VCPIP1: variants seen among roughly 807,000 people sequenced by gnomAD.
The protein encoded by VCPIP1 is deubiquitinating protein VCPIP1.
Under a neutral mutation model 85.0 loss-of-function variants are expected in VCPIP1, and 8 were observed. That is an observed-to-expected ratio of 0.09 (90% CI 0.06 to 0.17). The LOEUF (loss-of-function observed/expected upper bound fraction) is 0.17, where lower values mean the gene tolerates loss of function less well. VCPIP1 is among the 10% of genes least tolerant of loss of function. The pLI is 1.00. For synonymous variants in VCPIP1, 543 were observed against 544.5 expected, an observed-to-expected ratio of 1.00 and a Z score of 0.04; for missense variants, 1,070 against 1,486.3, an observed-to-expected ratio of 0.72 and a Z score of 4.61.
intron 2 of VCPIP1, among the ~76,000 whole-genome samples, chr8:66,639,522 T>C (rs2130150853): frequency 6.6e-6 from 1 of 151,450 alleles, no homozygotes. Flanking sequence ...ACACAACAAA[T>C]TTTTGCATTT....
Position 66,630,469 on chromosome 8 carries a change from T to C in VCPIP1, c.*4032A>G, listed in dbSNP as rs1810823231. ...TTGCATTGCTCTACCACAGGCATAA[T>C]AAGGGCTCAGGACGAGATTTCTGCA... On this transcript the variant is annotated 3_prime_UTR_variant, in exon 3 of 3. Transcript: ENST00000310421. The C allele has an allele frequency of 6.6e-6, 1 of 152,616 alleles. No homozygotes were observed. The highest frequency in any genetic ancestry group is 1.5e-5 in the Non-Finnish European group (1 of 68,028). 9.5% of individuals were successfully genotyped at this position (152,616 alleles called of 1,614,324 possible). A position where few individuals can be genotyped will look rare whatever the true frequency, so the allele number is the denominator to read the frequency against.
chr8:66,657,536 T>C lies in VCPIP1; in HGVS notation c.2711-5992A>G, dbSNP rs1811112586. 2.6e-5 allele frequency among the ~76,000 whole-genome samples: 4 copies of C among 152,340 alleles called. 1 individual carries two copies. The South Asian group carries it at 8.3e-4, about 32-fold the overall frequency. ...AAAAAAGGCATATCTGTTTCTTGCC[T>C]GAAATTCAGTCCCCTTAACGGTATA... On this transcript the variant is annotated intron_variant, in intron 1 of 2. Transcript: ENST00000310421.
At chr8:66,638,324 A>G (rs1025618951) in intron 2 of VCPIP1, among the ~76,000 whole-genome samples, 4 of 152,070 alleles carry the variant, frequency 2.6e-5, no homozygotes, top group Non-Finnish European at 5.9e-5. Context: ...CACCTCTACA[A>G]AAAATTTAAA....
intron 1 of VCPIP1, among the ~76,000 whole-genome samples, chr8:66,659,683 G>A (rs1468184177): frequency 6.6e-6 from 1 of 152,158 alleles, no homozygotes; most frequent in East Asian, 1.9e-4. Flanking sequence ...TGTAATCCTA[G>A]CACTTTGGGA....
chr8:66,634,965 G>A lies in VCPIP1; in HGVS notation c.3205C>T (p.Pro1069Ser). Residue 1069 changes from proline (P) to serine (S), a missense_variant, in exon 3 of 3, where the codon CCT (proline) becomes TCT (serine). Physicochemically the swap from Pro to Ser is moderately conservative, Grantham distance 74. Transcript: ENST00000310421. The part of the protein sequence containing the change: ...DFSNSSTKTE[P>S]SVFTASSSNS... ...CTAGAAGAAGCTGTGAATACAGAAG[G>A]CTCTGTTTTAGTGGAACTATTACTA... The A allele has an allele frequency of 6.2e-7, 1 of 1,613,414 alleles. No homozygotes were observed. Among genetic ancestry groups the A allele is most frequent in the Non-Finnish European group, 8.5e-7 (1 of 1,179,480 alleles).
chr8:66,660,587 C>G (rs1811145818), intron 1 of VCPIP1, among the ~76,000 whole-genome samples: 1 of 152,178 alleles, frequency 6.6e-6, no homozygotes, highest in Non-Finnish European at 1.5e-5. Context: ...TTTGGTAATT[C>G]ACAAAGTAAT....
chr8:66,635,242 T>G lies in VCPIP1; in HGVS notation c.2928A>C (p.Glu976Asp). 2 of 1,614,176 alleles carry G rather than the reference T, an allele frequency of 1.2e-6. No homozygotes were observed. The highest frequency in any genetic ancestry group is 1.7e-5 in the Admixed American group (1 of 60,012). The change falls in exon 3 of 3, where the codon GAA (glutamate) becomes GAC (aspartate). Residue 976 changes from glutamate (E) to aspartate (D), a missense_variant. Physicochemically the swap from Glu to Asp is conservative, Grantham distance 45 (BLOSUM62 2). Coordinates refer to ENST00000310421, the MANE Select transcript of VCPIP1 (RefSeq NM_025054.5). ...GACTTACAGCCTCTTTAACTAAATC[T>G]TCAACATCAGGACCAATGGGGAAAT... ...AGHFPIGPDV[E>D]DLVKEAVSQV...
Position 66,632,294 on chromosome 8 carries a change from CCCAA to C in VCPIP1, c.*2203_*2206del, listed in dbSNP as rs1332329608. ...TACTTCTCAAAAACCATCAATTCAC[CCCAA>C]CCAAATTTTCAGCTGATTTGAAAGA... On this transcript the variant is annotated 3_prime_UTR_variant, in exon 3 of 3. Transcript: ENST00000310421. 10 of 152,024 alleles carry C rather than the reference CCCAA, an allele frequency of 6.6e-5. No homozygotes were observed. Among genetic ancestry groups the C allele is most frequent in the African/African-American group, 2.4e-4 (10 of 41,434 alleles). The allele number at this position is 152,024 out of a possible 1,614,324, so 9.4% of individuals were successfully genotyped here. A position where few individuals can be genotyped will look rare whatever the true frequency, so the allele number is the denominator to read the frequency against.
chr8:66,634,982 C>T lies in VCPIP1; in HGVS notation c.3188G>A (p.Ser1063Asn). Residue 1063 changes from serine (S) to asparagine (N), a missense_variant, in exon 3 of 3, where the codon AGT becomes AAT. By Grantham distance (46) the Ser-to-Asn change is conservative (BLOSUM62 1). This residue lies in a region of VCPIP1 where 255 missense variants were observed against 289.5 expected (regional missense o/e 0.88). Coordinates refer to ENST00000310421, the MANE Select transcript of VCPIP1 (RefSeq NM_025054.5). ...KHNTGTDFSN[S>N]STKTEPSVFT... Reference sequence around the variant, plus strand: ...TACAGAAGGCTCTGTTTTAGTGGAACTATTACTAAAGTCTGTCCCTGTATT... The same window carrying T: ...TACAGAAGGCTCTGTTTTAGTGGAATTATTACTAAAGTCTGTCCCTGTATT... 6.2e-7 allele frequency: 1 copy of T among 1,613,392 alleles called. No individual in the cohort carries two copies.
intron 2 of VCPIP1, among the ~76,000 whole-genome samples, chr8:66,650,457 GA>G (rs1389952787): frequency 1.3e-5 from 2 of 152,000 alleles, no homozygotes. Flanking sequence ...TAAAATCTTT[GA>G]AAAAAATGTG....
intron 1 of VCPIP1, among the ~76,000 whole-genome samples, chr8:66,655,209 C>T (rs1290624044): frequency 6.6e-6 from 1 of 152,160 alleles, no homozygotes; most frequent in Non-Finnish European, 1.5e-5. Flanking sequence ...AGGGAAAGGT[C>T]AGTGGCCTAT....
At position 66,635,323 on chromosome 8, in the gene VCPIP1, G is replaced by C; in HGVS notation, c.2847C>G (p.Thr949=). 6.2e-7 allele frequency: 1 copy of C among 1,613,920 alleles called. No homozygotes were observed. Among genetic ancestry groups the C allele is most frequent in the Non-Finnish European group, 8.5e-7 (1 of 1,179,992 alleles). The change falls in exon 3 of 3, where the codon ACC becomes ACG. Residue 949 remains threonine (T), a synonymous_variant. Transcript: ENST00000310421. The part of the protein sequence containing the change: ...HCTFPHLPGK[T]FVYNASEDRL... Reference sequence around the variant, plus strand: ...TATCTTCAGAAGCATTATAGACAAAGGTTTTGCCAGGCAGATGTGGAAAAG... The same window carrying C: ...TATCTTCAGAAGCATTATAGACAAACGTTTTGCCAGGCAGATGTGGAAAAG...
chr8:66,659,939 T>TG (rs1440968345), intron 1 of VCPIP1, among the ~76,000 whole-genome samples: 1 of 151,764 alleles, frequency 6.6e-6, no homozygotes, highest in Non-Finnish European at 1.5e-5. Flanking sequence ...AGAAAGAAAA[T>TG]ATACAATCCC....
chr8:66,651,385 T>G, intron 2 of VCPIP1, 73 bp downstream of exon 2: 1 of 1,154,126 alleles, frequency 8.7e-7, no homozygotes. Context: ...AGTAGAAAAC[T>G]ATATGAACTT....
chr8:66,666,392 C>T lies in VCPIP1; in HGVS notation c.567G>A (p.Leu189=). ...GYGKDRSGSL[L]YLHDTLEDIK... ...TGTCCTCCAGAGTGTCATGCAAATACAGGAGGCTTCCGGAGCGGTCCTTGC... is the reference window on the plus strand; with the variant it reads ...TGTCCTCCAGAGTGTCATGCAAATATAGGAGGCTTCCGGAGCGGTCCTTGC... The change falls in exon 1 of 3, where the codon CTG becomes CTA. Residue 189 remains leucine (L), a synonymous_variant. Coordinates refer to ENST00000310421, the MANE Select transcript of VCPIP1 (RefSeq NM_025054.5). This position sits in a 1 kb window ranked among gnomAD's most constrained non-coding sequence, Gnocchi z 6.3. 6.2e-7 allele frequency: 1 copy of T among 1,614,130 alleles called. No homozygotes were observed. The highest frequency in any genetic ancestry group is 1.1e-5 in the South Asian group (1 of 91,076).
At chr8:66,661,214 C>T (rs1378578506) in intron 1 of VCPIP1, among the ~76,000 whole-genome samples, 4 of 152,226 alleles carry the variant, frequency 2.6e-5, no homozygotes, top group East Asian at 1.9e-4. Flanking sequence ...CTCTTTTACA[C>T]CCAAATTTTG....
At chr8:66,639,321 C>CTTTTTTTTTTTTTTTTTT (rs57563619) in intron 2 of VCPIP1, among the ~76,000 whole-genome samples, 2 of 67,806 alleles carry the variant, frequency 2.9e-5, no homozygotes, top group Non-Finnish European at 4.8e-5. Flanking sequence ...TAATTTTATT[C>CTTTTTTTTTTTTTTTTTT]TTTTTTTTTT....
In VCPIP1 at chr8:66,650,841, C is replaced by T. The variant is rs1317925208; in HGVS notation, c.2797+617G>A. ...CGCCATCACACTCCAGTCTGGGGGA[C>T]AAGAGCAAGACTTCGTCTCAAAAAA... On this transcript the variant is annotated intron_variant, in intron 2 of 2. Coordinates refer to ENST00000310421, the MANE Select transcript of VCPIP1 (RefSeq NM_025054.5). Among the ~76,000 whole-genome samples the T allele has an allele frequency of 2.2e-4, 18 of 82,530 alleles. No individual in the cohort carries two copies. In the Admixed American group the frequency reaches 3.6e-3, roughly 17 times the overall value. The allele number at this position is 82,530 out of a possible 152,430, so 54.1% of individuals were successfully genotyped here.
intron 1 of VCPIP1, among the ~76,000 whole-genome samples, chr8:66,661,930 A>AC (rs1811162191): frequency 2.8e-5 from 4 of 144,544 alleles, no homozygotes; most frequent in Admixed American, 2.1e-4. Flanking sequence ...CACCCGGCTT[A>AC]TTTTTTTTTT....
Sources: gnomAD v4.1 joint callset for allele counts (sites outside exome capture counted in the v4.1 genomes callset) on GRCh38, gnomAD v4.1.1 for gene constraint, gnomAD v4.1.1 regional missense constraint, Gnocchi (gnomAD v3.1) non-coding constraint, MANE v1.5 for transcripts, NCBI Gene and HGNC (gene_info 2026-07-23, HGNC 2026-07-21) for gene names.